LSAMP: variants seen among roughly 807,000 people sequenced by gnomAD.
LSAMP encodes the protein limbic system associated membrane protein.
LSAMP carries 7 observed loss-of-function variants against 38.6 expected under a neutral mutation model. The observed-to-expected ratio is 0.18, with a 90% confidence interval of 0.10 to 0.34. LSAMP has a LOEUF of 0.34. Among genes scored for constraint, LSAMP ranks in the 10% least tolerant of loss-of-function variants. The pLI, the probability that LSAMP is intolerant of heterozygous loss-of-function variation, is 1.00. For missense variants in LSAMP, 313 were observed against 420.0 expected, an observed-to-expected ratio of 0.75 and a Z score of 2.23; for synonymous variants, 154 against 166.8, an observed-to-expected ratio of 0.92 and a Z score of 0.59.
intron 3 of LSAMP, among the ~76,000 whole-genome samples, chr3:115,989,037 T>C (rs1051838644): frequency 6.6e-6 from 1 of 152,084 alleles, no homozygotes; most frequent in Non-Finnish European, 1.5e-5. Flanking sequence ...ACAATTCATT[T>C]CTTAAAGGGC....
intron 1 of LSAMP, among the ~76,000 whole-genome samples, chr3:116,184,965 A>C (rs1488889946): frequency 6.6e-6 from 1 of 150,624 alleles, no homozygotes; most frequent in East Asian, 1.9e-4. Flanking sequence ...TTTCTAATGA[A>C]GTCTTCTAAA....
intron 3 of LSAMP, among the ~76,000 whole-genome samples, chr3:115,872,453 A>T (rs573966903): frequency 6.6e-6 from 1 of 152,140 alleles, no homozygotes; most frequent in Non-Finnish European, 1.5e-5. Context: ...GCAGAAGGGG[A>T]TCAAGAGGGA....
intron 1 of LSAMP, among the ~76,000 whole-genome samples, chr3:116,378,988 AACACACACACACACAC>A (rs3028640): frequency 5.3e-4 from 73 of 137,128 alleles, no homozygotes; most frequent in African/African-American, 1.6e-3. Context: ...AATTGCTCAG[AACACACACACACACAC>A]ACACACACAC....
intron 1 of LSAMP, among the ~76,000 whole-genome samples, chr3:116,219,297 T>C (rs928403517): frequency 1.3e-5 from 2 of 152,252 alleles, no homozygotes; most frequent in African/African-American, 4.8e-5. Flanking sequence ...TTTTAAAGGC[T>C]GAATAGTATT....
chr3:116,129,139 G>A (rs1709070716), intron 1 of LSAMP, among the ~76,000 whole-genome samples: 1 of 152,144 alleles, frequency 6.6e-6, no homozygotes, highest in Non-Finnish European at 1.5e-5. Flanking sequence ...GGATCTTGAT[G>A]TGAATCATTC....
intron 1 of LSAMP, among the ~76,000 whole-genome samples, chr3:116,226,910 C>T (rs1576446041): frequency 2.0e-5 from 3 of 152,334 alleles, no homozygotes. Flanking sequence ...CTTCCTTCTC[C>T]CTCCACTTTG....
chr3:115,910,800 CTGTTGGCATAGACTCTT>C (rs1404666538), intron 3 of LSAMP, among the ~76,000 whole-genome samples: 4 of 152,180 alleles, frequency 2.6e-5, no homozygotes, highest in Admixed American at 2.6e-4. Context: ...CAGTATGCAA[CTGTTGGCATAGACTCTT>C]TTTCTTTCAG....
At chr3:115,973,554 G>GT (rs1362292645) in intron 3 of LSAMP, among the ~76,000 whole-genome samples, 2 of 152,030 alleles carry the variant, frequency 1.3e-5, no homozygotes, top group East Asian at 3.9e-4. Flanking sequence ...TCCACATGGC[G>GT]AAATGCCGTC....
intron 1 of LSAMP, among the ~76,000 whole-genome samples, chr3:116,327,462 AATCTCTGTT>A (rs1382167399): frequency 1.3e-5 from 2 of 152,004 alleles, no homozygotes; most frequent in Non-Finnish European, 2.9e-5. Context: ...TTATCCTCTA[AATCTCTGTT>A]ATATGACACT....
intron 1 of LSAMP, among the ~76,000 whole-genome samples, chr3:116,257,284 C>T (rs1335153313): frequency 1.3e-5 from 2 of 152,182 alleles, no homozygotes; most frequent in African/African-American, 2.4e-5. Flanking sequence ...CTCCATCCCT[C>T]AGAAGGCTGG....
At chr3:116,250,376 G>A (rs544087063) in intron 1 of LSAMP, among the ~76,000 whole-genome samples, 3 of 152,216 alleles carry the variant, frequency 2.0e-5, no homozygotes, top group South Asian at 4.1e-4. Flanking sequence ...TATGGATTTG[G>A]TAACATTTCC....
At chr3:116,090,590 C>A (rs1708099609) in intron 1 of LSAMP, among the ~76,000 whole-genome samples, 1 of 152,160 alleles carries the variant, frequency 6.6e-6, no homozygotes, top group South Asian at 2.1e-4. Context: ...TTTCGGGGGA[C>A]CTGCCCCGGA....
intron 6 of LSAMP, among the ~76,000 whole-genome samples, chr3:115,838,677 T>A (rs1934877434): frequency 6.6e-6 from 1 of 152,204 alleles, no homozygotes; most frequent in African/African-American, 2.4e-5. Context: ...ACTAGATGAA[T>A]GAGAAAGGAA....
rs1347543579 is a variant in LSAMP at position 115,995,255 on chromosome 3, A to G, written c.514+24260T>C. On this transcript the variant is annotated intron_variant, in intron 3 of 6. Coordinates refer to ENST00000490035, the MANE Select transcript of LSAMP (RefSeq NM_002338.5). ...CAGGTAATTAAGGATACACATGATC[A>G]ATAGGCTTGCCCCTTCCAGAGCTTT... Among the ~76,000 whole-genome samples the G allele has an allele frequency of 2.0e-5, 3 of 152,096 alleles. No homozygotes were observed. In the East Asian group the frequency reaches 5.8e-4, roughly 29 times the overall value.
Position 115,840,941 on chromosome 3 carries a change from G to A in LSAMP, c.919+904C>T, listed in dbSNP as rs547156454. 7.2e-5 allele frequency among the ~76,000 whole-genome samples: 11 copies of A among 152,138 alleles called. No individual in the cohort carries two copies. The East Asian group carries it at 9.7e-4, about 13-fold the overall frequency. ...CTGATTCAGCATGGGCTAACTTTTCGGTTTGTTTTGCTTATTCTGACAAAT... is the reference window on the plus strand; with the variant it reads ...CTGATTCAGCATGGGCTAACTTTTCAGTTTGTTTTGCTTATTCTGACAAAT... On this transcript the variant is annotated intron_variant, in intron 6 of 6. Transcript: ENST00000490035.
At chr3:116,123,212 G>A (rs746920696) in intron 1 of LSAMP, among the ~76,000 whole-genome samples, 3 of 152,212 alleles carry the variant, frequency 2.0e-5, no homozygotes, top group Non-Finnish European at 4.4e-5. Flanking sequence ...TGAGCTGCCT[G>A]CTGCCTTCTC....
At chr3:116,395,839 C>T (rs2048759737) in intron 1 of LSAMP, among the ~76,000 whole-genome samples, 1 of 152,096 alleles carries the variant, frequency 6.6e-6, no homozygotes, top group African/African-American at 2.4e-5. Context: ...TACAGGGTTG[C>T]CAGACAGCCT....
intron 2 of LSAMP, among the ~76,000 whole-genome samples, chr3:116,071,584 C>A (rs919694553): frequency 6.6e-6 from 1 of 152,062 alleles, no homozygotes; most frequent in Non-Finnish European, 1.5e-5. Context: ...ACTACCACTT[C>A]ATTTTTTTCT....
intron 1 of LSAMP, among the ~76,000 whole-genome samples, chr3:116,088,098 G>A (rs527728383): frequency 6.6e-6 from 1 of 151,966 alleles, no homozygotes; most frequent in East Asian, 1.9e-4. Context: ...TTGCTGTGTT[G>A]TCCAGGCTAG....
Sources: allele counts gnomAD v4.1 joint callset (sites outside exome capture counted in the v4.1 genomes callset), GRCh38; gene constraint gnomAD v4.1.1; transcripts MANE v1.5; gene names NCBI Gene and HGNC (gene_info 2026-07-23, HGNC 2026-07-21).